CBFA2T3: variants seen among roughly 807,000 people sequenced by gnomAD.
The protein encoded by CBFA2T3 is transcriptional corepressor CBFA2T3.
In CBFA2T3, 31 loss-of-function variants were observed where a neutral mutation model predicts 58.6. The ratio of observed to expected loss-of-function variants is 0.53; its 90% CI spans 0.40 to 0.71. The LOEUF (loss-of-function observed/expected upper bound fraction) is 0.71. CBFA2T3 is among the 30% of genes least tolerant of loss of function. The pLI, the probability that CBFA2T3 is intolerant of heterozygous loss-of-function variation, is 0.00. For missense variants in CBFA2T3, 1,076 were observed against 963.1 expected (o/e 1.12, Z -1.55); for synonymous variants, 531 against 421.9 (o/e 1.26, Z -3.17).
intron 1 of CBFA2T3, among the ~76,000 whole-genome samples, chr16:88,965,831 T>C (rs1597797169): frequency 6.6e-6 from 1 of 152,186 alleles, no homozygotes; most frequent in African/African-American, 2.4e-5. Context: ...ACTTGGCTTG[T>C]CAAAAAAAAG....
intron 1 of CBFA2T3, among the ~76,000 whole-genome samples, chr16:88,926,548 T>C (rs1254277140): frequency 6.6e-6 from 1 of 152,218 alleles, no homozygotes; most frequent in East Asian, 1.9e-4. Flanking sequence ...CAGAGGTTTG[T>C]CATGCGTCAC....
intron 1 of CBFA2T3, among the ~76,000 whole-genome samples, chr16:88,946,073 C>T (rs760274314): frequency 1.8e-4 from 27 of 151,998 alleles, no homozygotes; most frequent in African/African-American, 3.9e-4. Flanking sequence ...TTTGGGAGGC[C>T]GAAGGGGGCG....
At chr16:88,895,928 T>G (rs1969871123) in intron 3 of CBFA2T3, among the ~76,000 whole-genome samples, 2 of 152,180 alleles carry the variant, frequency 1.3e-5, no homozygotes, top group Admixed American at 6.5e-5. Flanking sequence ...CAACCCATCC[T>G]GGAGTTCCAA....
intron 1 of CBFA2T3, among the ~76,000 whole-genome samples, chr16:88,909,352 G>A (rs1459510584): frequency 3.3e-5 from 5 of 152,216 alleles, no homozygotes; most frequent in African/African-American, 1.2e-4. Context: ...AACCTGGGTG[G>A]GCAGCCTCAG....
At chr16:88,943,490 C>T (rs1971815044) in intron 1 of CBFA2T3, among the ~76,000 whole-genome samples, 1 of 152,220 alleles carries the variant, frequency 6.6e-6, no homozygotes, top group East Asian at 1.9e-4. Context: ...CCACCGCAGC[C>T]CCTCCTCCCT....
intron 1 of CBFA2T3, among the ~76,000 whole-genome samples, chr16:88,917,429 C>T (rs1056229155): frequency 2.0e-5 from 3 of 152,222 alleles, no homozygotes; most frequent in African/African-American, 7.2e-5. Context: ...GAACGGGACC[C>T]TCCCACGTGC....
At chr16:88,942,006 C>T (rs958067065) in intron 1 of CBFA2T3, among the ~76,000 whole-genome samples, 8 of 151,822 alleles carry the variant, frequency 5.3e-5, no homozygotes, top group Non-Finnish European at 1.0e-4. Context: ...CGCGCTCCCC[C>T]CGCTCAGCCT....
At chr16:88,921,473 A>G (rs946197067) in intron 1 of CBFA2T3, among the ~76,000 whole-genome samples, 3 of 152,238 alleles carry the variant, frequency 2.0e-5, no homozygotes, top group African/African-American at 7.2e-5. Flanking sequence ...GGATTTCCCG[A>G]TCCAGGGCGG....
intron 1 of CBFA2T3, among the ~76,000 whole-genome samples, chr16:88,964,932 C>G (rs1972459287): frequency 6.6e-6 from 1 of 151,200 alleles, no homozygotes; most frequent in Admixed American, 6.6e-5. Context: ...ATCCATCCAT[C>G]CATCCATCCA....
At chr16:88,908,248 C>T (rs150403560) in intron 1 of CBFA2T3, among the ~76,000 whole-genome samples, 1,652 of 151,754 alleles carry the variant, frequency 0.011, 22 homozygotes, top group African/African-American at 0.038. Context: ...AGGCTGAGGC[C>T]GGAGAATTAC....
intron 3 of CBFA2T3, among the ~76,000 whole-genome samples, chr16:88,896,884 G>A (rs914616846): frequency 6.6e-6 from 1 of 152,166 alleles, no homozygotes; most frequent in African/African-American, 2.4e-5. Context: ...TCGCCTGCCC[G>A]CGCACTCCCT....
intron 1 of CBFA2T3, among the ~76,000 whole-genome samples, chr16:88,946,980 G>T (rs1256463164): frequency 2.0e-5 from 3 of 152,192 alleles, no homozygotes; most frequent in Non-Finnish European, 2.9e-5. Context: ...AGGATTTTTA[G>T]GGCAGTGACA....
Position 88,874,946 on chromosome 16 carries a change from A to T in CBFA2T3, c.*2030T>A, listed in dbSNP as rs778050040. The T allele has an allele frequency of 5.1e-5, 12 of 233,174 alleles. No individual in the cohort carries two copies. The highest frequency in any genetic ancestry group is 8.5e-5 in the Non-Finnish European group (10 of 117,786). The allele number at this position is 233,174 out of a possible 1,614,324, so 14.4% of individuals were successfully genotyped here. ...CTCTGCAAAGACTATATACATTCAC[A>T]TTAACGTACACGCTCAGCTTCAGGC... On this transcript the variant is annotated 3_prime_UTR_variant, in exon 12 of 12. Transcript: ENST00000268679.
chr16:88,929,149 G>A (rs768165469), intron 1 of CBFA2T3, among the ~76,000 whole-genome samples: 9 of 152,222 alleles, frequency 5.9e-5, no homozygotes, highest in Non-Finnish European at 1.2e-4. Context: ...CAAGTCACGC[G>A]GTCAGAGAGC....
At chr16:88,932,182 CT>C (rs1253425188) in intron 1 of CBFA2T3, among the ~76,000 whole-genome samples, 61 of 142,862 alleles carry the variant, frequency 4.3e-4, no homozygotes, top group African/African-American at 1.5e-3. Context: ...CTGCTTCCCC[CT>C]CACACGGCCC....
At chr16:88,950,323 G>A (rs766616868) in intron 1 of CBFA2T3, 57 of 407,470 alleles carry the variant, frequency 1.4e-4, no homozygotes, top group Non-Finnish European at 2.0e-4. Context: ...CTGTCTTCCG[G>A]GTCAGTTCAC....
At chr16:88,906,078 C>A (rs189412157) in intron 1 of CBFA2T3, among the ~76,000 whole-genome samples, 1 of 152,184 alleles carries the variant, frequency 6.6e-6, no homozygotes, top group East Asian at 1.9e-4. Context: ...GGGTCCAGCA[C>A]TCTCCGCCAT....
intron 3 of CBFA2T3, among the ~76,000 whole-genome samples, chr16:88,895,539 A>C (rs1969851573): frequency 6.6e-6 from 1 of 151,982 alleles, no homozygotes; most frequent in East Asian, 1.9e-4. Context: ...GGCAGGCCCC[A>C]CACACCGAGC....
At position 88,879,273 on chromosome 16, in the gene CBFA2T3, G is replaced by GT; in HGVS notation, c.1658_1659insA (p.Ser553ArgfsTer13). The GT allele has an allele frequency of 1.3e-6, 2 of 1,591,348 alleles. No individual in the cohort carries two copies. Among genetic ancestry groups the GT allele is most frequent in the Non-Finnish European group, 1.7e-6 (2 of 1,167,290 alleles). ...CAGCGTGGCCGGGTGGCCCTACCTC[G>GT]CTGGAGTCCTCCTGCTGGTTGATGA... On this transcript the variant is annotated frameshift_variant, in exon 11 of 12. Transcript: ENST00000268679. LOFTEE classifies it low-confidence loss of function (END_TRUNC).
Sources: allele counts gnomAD v4.1 joint callset (sites outside exome capture counted in the v4.1 genomes callset), GRCh38; gene constraint gnomAD v4.1.1; transcripts MANE v1.5; gene names NCBI Gene and HGNC (gene_info 2026-07-23, HGNC 2026-07-21).